TBC1D9: variants seen among roughly 807,000 people sequenced by gnomAD.
TBC1D9 encodes TBC1 domain family member 9A.
TBC1D9 carries 63 observed loss-of-function variants against 132.0 expected under a neutral mutation model. That is an observed-to-expected ratio of 0.48 (90% confidence interval 0.39 to 0.59). The LOEUF (loss-of-function observed/expected upper bound fraction) is 0.59, where lower values mean the gene tolerates loss of function less well. Ranked by LOEUF, TBC1D9 falls within the 20% of genes least tolerant of loss-of-function variation. The pLI is 0.00. For synonymous variants in TBC1D9, 610 were observed against 609.9 expected (o/e 1.00, Z 0.00); for missense variants, 1,261 against 1,592.7 (o/e 0.79, Z 3.54).
chr4:140,642,485 T>TC, intron 13 of TBC1D9: 3 of 1,061,692 alleles, frequency 2.8e-6, no homozygotes, highest in Non-Finnish European at 4.3e-6. Flanking sequence ...GTTTTTGATT[T>TC]CCCCCCAGCA....
At chr4:140,658,538 T>TA (rs201767403) in intron 11 of TBC1D9, among the ~76,000 whole-genome samples, 9 of 151,950 alleles carry the variant, frequency 5.9e-5, no homozygotes, top group African/African-American at 1.4e-4. Flanking sequence ...TCTTATTAAT[T>TA]AAAAAAAATA....
intron 1 of TBC1D9, among the ~76,000 whole-genome samples, chr4:140,748,130 C>T (rs951579464): frequency 6.6e-6 from 1 of 151,962 alleles, no homozygotes; most frequent in South Asian, 2.1e-4. Context: ...TTAATTGAGG[C>T]CTTACAAGAA....
At chr4:140,628,433 CTCT>C in intron 16 of TBC1D9, 68 bp from the exon 17 acceptor site, 16 of 1,414,194 alleles carry the variant, frequency 1.1e-5, no homozygotes, top group Non-Finnish European at 1.6e-5. Context: ...CCTAGTGTTC[CTCT>C]AAAAAGTCTA....
At chr4:140,685,775 G>A (rs1391207431) in intron 3 of TBC1D9, among the ~76,000 whole-genome samples, 1 of 152,170 alleles carries the variant, frequency 6.6e-6, no homozygotes, top group Non-Finnish European at 1.5e-5. Context: ...ACATGTGGGA[G>A]CTTAAAAACT....
In TBC1D9 at chr4:140,753,190, C is replaced by T. The variant is rs376275034; in HGVS notation, c.130+2726G>A. On this transcript the variant is annotated intron_variant, in intron 1 of 20. Transcript: ENST00000442267. ...ATTTGTTCTGATCATTCTCAGTTTG[C>T]CCCCATCCATTCCTGGGAGGCTGAT... 3.9e-5 allele frequency among the ~76,000 whole-genome samples: 6 copies of T among 152,242 alleles called. 1 individual carries two copies. Among genetic ancestry groups the T allele is most frequent in the African/African-American group, 1.4e-4 (6 of 41,552 alleles).
chr4:140,651,972 C>T (rs566101580), intron 13 of TBC1D9, among the ~76,000 whole-genome samples: 1 of 152,232 alleles, frequency 6.6e-6, no homozygotes, highest in Admixed American at 6.5e-5. Flanking sequence ...GGCACGGTGG[C>T]TTAAGCCTGT....
At position 140,661,896 on chromosome 4, in the gene TBC1D9, G is replaced by A; in HGVS notation, c.1800C>T (p.Cys600=). 6.2e-7 allele frequency: 1 copy of A among 1,612,164 alleles called. No homozygotes were observed. Among genetic ancestry groups the A allele is most frequent in the Non-Finnish European group, 8.5e-7 (1 of 1,178,686 alleles). The change falls in exon 10 of 21, where the codon TGC becomes TGT. Residue 600 remains cysteine (C), a synonymous_variant. Coordinates refer to ENST00000442267, the MANE Select transcript of TBC1D9 (RefSeq NM_015130.3). ...YAFRNPNIGY[C]QAMNIVTSVL... ...AAAAACCACCTGTGACATTTACCTG[G>A]CAATACCCTATGTTGGGATTTCGAA...
chr4:140,679,651 G>T lies in TBC1D9; in HGVS notation c.553C>A (p.His185Asn). The change falls in exon 4 of 21, where the codon CAC becomes AAC. Residue 185 changes from histidine (H) to asparagine (N), a missense_variant. Coordinates refer to ENST00000442267, the MANE Select transcript of TBC1D9 (RefSeq NM_015130.3). The part of the protein sequence containing the change: ...RQGWMYLSIN[H>N]LCFYSFLMGR... ...ATAAGAAAAGAATAAAAGCAAAGGT[G>T]GTTAATGCTGAGGTACATCCAACCC... is the stretch of plus-strand genomic sequence containing the variant. 6.2e-7 allele frequency: 1 copy of T among 1,613,714 alleles called. No homozygotes were observed. Among genetic ancestry groups the T allele is most frequent in the Non-Finnish European group, 8.5e-7 (1 of 1,179,750 alleles).
intron 1 of TBC1D9, among the ~76,000 whole-genome samples, chr4:140,702,093 G>C (rs1738079028): frequency 6.6e-6 from 1 of 152,276 alleles, no homozygotes; most frequent in African/African-American, 2.4e-5. Context: ...CCACAGCAGA[G>C]TCCTCTGCCA....
At chr4:140,663,902 G>C (rs1011773476) in intron 9 of TBC1D9, among the ~76,000 whole-genome samples, 3 of 152,050 alleles carry the variant, frequency 2.0e-5, no homozygotes, top group Non-Finnish European at 4.4e-5. Flanking sequence ...GAAAAATGGA[G>C]AGATGTTGGT....
chr4:140,682,455 G>A (rs930602412), intron 3 of TBC1D9, among the ~76,000 whole-genome samples: 29 of 152,298 alleles, frequency 1.9e-4, no homozygotes, highest in African/African-American at 7.0e-4. Flanking sequence ...GAGGGCATGG[G>A]ACCCGTGGGT....
chr4:140,675,321 TAAA>T (rs1397874773), intron 6 of TBC1D9, among the ~76,000 whole-genome samples: 1 of 151,802 alleles, frequency 6.6e-6, no homozygotes, highest in Non-Finnish European at 1.5e-5. Context: ...AAGAAAAAGA[TAAA>T]GAAGGCAGAG....
At chr4:140,643,207 C>T (rs1737037607) in intron 13 of TBC1D9, 1 of 1,394,764 alleles carries the variant, frequency 7.2e-7, no homozygotes, top group Non-Finnish European at 9.9e-7. Context: ...GCCACCAGGG[C>T]CCGCTCCGCA....
chr4:140,645,050 C>G, intron 13 of TBC1D9: 2 of 488,112 alleles, frequency 4.1e-6, no homozygotes, highest in Admixed American at 2.5e-5. Flanking sequence ...GGTCCACAGA[C>G]CAGCAACCGG....
chr4:140,688,300 A>T (rs1211209643), intron 2 of TBC1D9, among the ~76,000 whole-genome samples: 1 of 152,202 alleles, frequency 6.6e-6, no homozygotes, highest in Non-Finnish European at 1.5e-5. Flanking sequence ...CTTCTCTGCC[A>T]CCAGTCACCT....
At chr4:140,642,199 C>T in intron 13 of TBC1D9, 1 of 750,958 alleles carries the variant, frequency 1.3e-6, no homozygotes. Flanking sequence ...GCCGGAGGGG[C>T]CTTGGGCGGG....
rs1737040930 is a variant in TBC1D9, at chr4:140,643,311, C to T, written c.2338-3883G>A. The T allele has an allele frequency of 7.6e-6, 10 of 1,319,492 alleles. No individual in the cohort carries two copies. The South Asian group carries it at 1.3e-4, about 17-fold the overall frequency. 81.7% of individuals were successfully genotyped at this position (1,319,492 alleles called of 1,614,324 possible). A position where few individuals can be genotyped will look rare whatever the true frequency, so the allele number is the denominator to read the frequency against. On this transcript the variant is annotated intron_variant, in intron 13 of 20. Coordinates refer to ENST00000442267, the MANE Select transcript of TBC1D9 (RefSeq NM_015130.3). ...CAGAAAGCTCTGCTCCAAGACAAGG[C>T]TCTCGGCAGCTTCCTGCTTCTCCAA...
At chr4:140,740,493 C>T (rs564312513) in intron 1 of TBC1D9, among the ~76,000 whole-genome samples, 8 of 152,304 alleles carry the variant, frequency 5.3e-5, no homozygotes, top group African/African-American at 1.7e-4. Flanking sequence ...ACATAATGAA[C>T]TCCCCCTTTA....
intron 20 of TBC1D9, among the ~76,000 whole-genome samples, chr4:140,623,610 C>T (rs1287015372): frequency 6.6e-6 from 1 of 152,150 alleles, no homozygotes; most frequent in Non-Finnish European, 1.5e-5. Flanking sequence ...GCTCCAATCC[C>T]TCCTCCCACG....
Sources: allele counts gnomAD v4.1 joint callset (sites outside exome capture counted in the v4.1 genomes callset), GRCh38; gene constraint gnomAD v4.1.1; transcripts MANE v1.5; gene names NCBI Gene and HGNC (gene_info 2026-07-23, HGNC 2026-07-21).